Variants in KRT14 observed in about 807,000 individuals in gnomAD.
KRT14 encodes the protein keratin 14, also known as keratin, type I cytoskeletal 14.
In KRT14, 30 loss-of-function variants were observed where a neutral mutation model predicts 44.5. The ratio of observed to expected loss-of-function variants is 0.67; its 90% confidence interval spans 0.50 to 0.92. KRT14 has a LOEUF of 0.92. Ranked by LOEUF, KRT14 falls within the 40% of genes least tolerant of loss-of-function variation. KRT14 has a pLI of 0.00. For missense variants in KRT14, 535 were observed against 640.6 expected (o/e 0.84, Z 1.78); for synonymous variants, 241 against 257.6 (o/e 0.94, Z 0.62).
Position 41,585,028 on chromosome 17 carries a change from A to G in KRT14, c.555T>C (p.Asn185=), listed in dbSNP as rs35849957. ...GGGCATTGTCAATCTGCAGAAGGAC[A>G]TTGGCATTGTCCACTGTGGCTGTGA... ...KILTATVDNA[N]VLLQIDNARL... The change falls in exon 2 of 8, where the codon AAT becomes AAC. Residue 185 remains asparagine, a synonymous_variant. Coordinates refer to ENST00000167586, the MANE Select transcript of KRT14 (RefSeq NM_000526.5). 17,376 of 1,614,072 alleles carry G rather than the reference A, an allele frequency of 0.011. 1,522 individuals are homozygous for G. The African/African-American group carries it at 0.19, about 18-fold the overall frequency.
chr17:41,583,060 T>G (rs1272594916), intron 7 of KRT14, 34 bp downstream of exon 7: 1 of 1,608,526 alleles, frequency 6.2e-7, no homozygotes, highest in Non-Finnish European at 8.5e-7. Context: ...GAGGGTGGCC[T>G]GGAGCCCAGG....
intron 2 of KRT14, 181 bp from the exon 3 acceptor site, chr17:41,584,594 G>A (rs113794070): frequency 1.9e-5 from 13 of 675,926 alleles, no homozygotes; most frequent in East Asian, 5.5e-5. Flanking sequence ...ACATTCCTGC[G>A]GGCTGGGGAT....
chr17:41,583,187 G>T, intron 6 of KRT14, 47 bp from the exon 7 acceptor site: 1 of 1,611,864 alleles, frequency 6.2e-7, no homozygotes, highest in East Asian at 2.2e-5. Context: ...TGGTGGGGCC[G>T]TGAGAGTGCC....
At position 41,583,242 on chromosome 17, in the gene KRT14, C is replaced by T; in HGVS notation, c.1267G>A (p.Asp423Asn). ...GGGAGGGCCAAGACTCACTGGGCGTCCTCGCCCTCCAGCAGGCGGCGGTAG... is the reference window on the plus strand; with the variant it reads ...GGGAGGGCCAAGACTCACTGGGCGTTCTCGCCCTCCAGCAGGCGGCGGTAG... ...ATYRRLLEGE[D>N]AHLSSSQFSS... The change falls in exon 6 of 8, where the codon GAC becomes AAC. Residue 423 changes from aspartate (D) to asparagine (N), a missense_variant. Transcript: ENST00000167586. 6.2e-7 allele frequency: 1 copy of T among 1,613,466 alleles called. No homozygotes were observed. Among genetic ancestry groups the T allele is most frequent in the Non-Finnish European group, 8.5e-7 (1 of 1,179,978 alleles).
chr17:41,584,381 A>G lies in KRT14; in HGVS notation c.641T>C (p.Val214Ala). The change falls in exon 3 of 8, where the codon GTG (valine) becomes GCG (alanine). Residue 214 changes from valine to alanine, a missense_variant. Coordinates refer to ENST00000167586, the MANE Select transcript of KRT14 (RefSeq NM_000526.5). Reference protein sequence around the residue: ...YETELNLRMSVEADINGLRRV... With the variant: ...YETELNLRMSAEADINGLRRV... Reference sequence around the variant, plus strand: ...GCGCAGGCCATTGATGTCGGCTTCCACACTCATGCGCAGGTTCAACTCTGT... The same window carrying G: ...GCGCAGGCCATTGATGTCGGCTTCCGCACTCATGCGCAGGTTCAACTCTGT... 1 of 1,613,974 alleles carries G rather than the reference A, an allele frequency of 6.2e-7. No homozygotes were observed. Among genetic ancestry groups the G allele is most frequent in the South Asian group, 1.1e-5 (1 of 91,072 alleles).
At chr17:41,584,759 A>G (rs1907471422) in intron 2 of KRT14, among the ~76,000 whole-genome samples, 1 of 152,174 alleles carries the variant, frequency 6.6e-6, no homozygotes, top group African/African-American at 2.4e-5. Flanking sequence ...GCGGTTCTGA[A>G]ACCTGGCTGT....
rs776024151 is a variant in KRT14 at position 41,582,419 on chromosome 17, G to A, written c.*16C>T. On this transcript the variant is annotated 3_prime_UTR_variant, in exon 8 of 8. Coordinates refer to ENST00000167586, the MANE Select transcript of KRT14 (RefSeq NM_000526.5). ...CACACGGGGGGCCTCCTAGGCCTGA[G>A]CGGGGCTGGGCAGCCTCAGTTCTTG... 4 of 1,550,028 alleles carry A rather than the reference G, an allele frequency of 2.6e-6. No individual in the cohort carries two copies. Among genetic ancestry groups the A allele is most frequent in the Non-Finnish European group, 2.6e-6 (3 of 1,145,310 alleles).
intron 6 of KRT14, 33 bp downstream of exon 6, chr17:41,583,202 G>A (rs779312134): frequency 5.5e-5 from 89 of 1,612,666 alleles, no homozygotes; most frequent in Middle Eastern, 1.8e-4. Flanking sequence ...AGTGCCATGG[G>A]GGGGGCGGAC....
intron 1 of KRT14, among the ~76,000 whole-genome samples, chr17:41,585,561 CAG>C (rs1223670341): frequency 1.3e-5 from 2 of 152,214 alleles, no homozygotes; most frequent in South Asian, 2.1e-4. Flanking sequence ...AAAGAGGACT[CAG>C]GGGAAGAATA....
intron 2 of KRT14, among the ~76,000 whole-genome samples, chr17:41,584,752 G>T (rs1292156387): frequency 6.6e-6 from 1 of 152,200 alleles, no homozygotes; most frequent in Non-Finnish European, 1.5e-5. Flanking sequence ...TAAAGCAGCG[G>T]TTCTGAAACC....
chr17:41,582,987 A>T, intron 7 of KRT14, 107 bp downstream of exon 7: 1 of 1,083,066 alleles, frequency 9.2e-7, no homozygotes, highest in South Asian at 1.3e-5. Context: ...AAACTGGGTG[A>T]CAGCACTAGA....
intron 1 of KRT14, among the ~76,000 whole-genome samples, chr17:41,585,283 C>T (rs533071009): frequency 1.3e-5 from 2 of 152,286 alleles, no homozygotes; most frequent in East Asian, 3.9e-4. Context: ...GGCTTAGAAT[C>T]GAAAGCCCAG....
rs117484558 is a variant in KRT14, at chr17:41,586,669, G to A, written c.166C>T (p.Arg56Cys). ...YGGGLSVSSSRFSSGGACGLG... is the reference protein window; with the variant it reads ...YGGGLSVSSSCFSSGGACGLG... The stretch of plus-strand genomic sequence containing the variant: ...CCGCAGGCTCCCCCAGAGGAGAAGC[G>A]GGAGGATGAGACAGACAGGCCGCCC... Residue 56 changes from arginine to cysteine, a missense_variant, in exon 1 of 8, where the codon CGC becomes TGC. Physicochemically the swap from Arg to Cys is radical, Grantham distance 180 (BLOSUM62 -3). Transcript: ENST00000167586. 12,684 of 1,600,798 alleles carry A rather than the reference G, an allele frequency of 7.9e-3. 64 individuals carry two copies. The highest frequency in any genetic ancestry group is 0.014 in the South Asian group (1,256 of 90,034).
Position 41,582,420 on chromosome 17 carries a change from CG to C in KRT14, c.*14del. 1 of 1,549,866 alleles carries C rather than the reference CG, an allele frequency of 6.5e-7. No individual in the cohort carries two copies. Among genetic ancestry groups the C allele is most frequent in the Non-Finnish European group, 8.7e-7 (1 of 1,145,182 alleles). On this transcript the variant is annotated 3_prime_UTR_variant, in exon 8 of 8. Coordinates refer to ENST00000167586, the MANE Select transcript of KRT14 (RefSeq NM_000526.5). Reference sequence around the variant, plus strand: ...ACACGGGGGGCCTCCTAGGCCTGAGCGGGGCTGGGCAGCCTCAGTTCTTGGT... The same window carrying C: ...ACACGGGGGGCCTCCTAGGCCTGAGCGGGCTGGGCAGCCTCAGTTCTTGGT...
At chr17:41,583,526 C>G (rs777276581) in intron 5 of KRT14, 25 bp downstream of exon 5, 3 of 1,614,184 alleles carry the variant, frequency 1.9e-6, no homozygotes, top group African/African-American at 2.7e-5. Context: ...CCTGGGTGCA[C>G]CACCCTTCCT....
rs761956765 is a variant in KRT14, at chr17:41,583,583, G to T, written c.1021C>A (p.Leu341Met). 1.2e-6 allele frequency: 2 copies of T among 1,614,202 alleles called. No homozygotes were observed. The highest frequency in any genetic ancestry group is 1.7e-6 in the Non-Finnish European group (2 of 1,180,030). Residue 341 changes from leucine to methionine, a missense_variant, in exon 5 of 8, where the codon CTG becomes ATG. Coordinates refer to ENST00000167586, the MANE Select transcript of KRT14 (RefSeq NM_000526.5). ...AGCTGGGACTGCAGCTCAATCTCCA[G>T]GTTCTGCATGGTGCGCCGGAGCTCC... ...ISELRRTMQNLEIELQSQLSM... is the reference protein window; with the variant it reads ...ISELRRTMQNMEIELQSQLSM...
rs1907454671 is a variant in KRT14, at chr17:41,584,333, A to G, written c.689T>C (p.Leu230Pro). ...CTGCATCTCCAGGTCAGCTCTGGCC[A>G]GGGTCAGTTCGTCCAGCACCCTGCG... ...GLRRVLDELT[L>P]ARADLEMQIE... Residue 230 changes from leucine to proline, a missense_variant, in exon 3 of 8, where the codon CTG becomes CCG. Leu to Pro is a moderately conservative substitution (Grantham distance 98). Coordinates refer to ENST00000167586, the MANE Select transcript of KRT14 (RefSeq NM_000526.5). 3 of 1,614,030 alleles carry G rather than the reference A, an allele frequency of 1.9e-6. No homozygotes were observed. The highest frequency in any genetic ancestry group is 2.5e-6 in the Non-Finnish European group (3 of 1,180,014).
chr17:41,584,948 T>A, intron 2 of KRT14, 27 bp downstream of exon 2: 1 of 1,581,766 alleles, frequency 6.3e-7, no homozygotes, highest in Non-Finnish European at 8.7e-7. Flanking sequence ...GGACACTGGA[T>A]GTTCTGGCCC....
Position 41,586,634 on chromosome 17 carries a change from G to A in KRT14, c.201C>T (p.Gly67=), listed in dbSNP as rs545104240. The A allele has an allele frequency of 5.6e-6, 9 of 1,608,248 alleles. No homozygotes were observed. The highest frequency in any genetic ancestry group is 3.3e-5 in the South Asian group (3 of 90,740). ...TGCTGCTGAAGCCACCGCCATAGCC[G>A]CCCCCCAGCCCGCAGGCTCCCCCAG... The part of the protein sequence containing the change: ...FSSGGACGLG[G]GYGGGFSSSS... The change falls in exon 1 of 8, where the codon GGC becomes GGT. Residue 67 remains glycine (G), a synonymous_variant. Transcript: ENST00000167586.
Sources: gnomAD v4.1 joint callset for allele counts (sites outside exome capture counted in the v4.1 genomes callset) on GRCh38, gnomAD v4.1.1 for gene constraint, MANE v1.5 for transcripts, NCBI Gene and HGNC (gene_info 2026-07-23, HGNC 2026-07-21) for gene names.